Variants in DYM observed in about 807,000 individuals in gnomAD.
DYM encodes the protein dyggve-Melchior-Clausen syndrome protein.
DYM carries 78 observed loss-of-function variants against 93.1 expected under a neutral mutation model. The ratio of observed to expected loss-of-function variants is 0.84; its 90% CI spans 0.70 to 1.01. The LOEUF (loss-of-function observed/expected upper bound fraction) is 1.01. Among genes scored for constraint, DYM ranks in the 50% least tolerant of loss-of-function variants. The pLI, the probability that DYM is intolerant of heterozygous loss-of-function variation, is 0.00. For synonymous variants in DYM, 321 were observed against 319.7 expected, an observed-to-expected ratio of 1.00 and a Z score of -0.04; for missense variants, 789 against 845.0, an observed-to-expected ratio of 0.93 and a Z score of 0.82.
chr18:49,411,863 A>C (rs1856783099), intron 2 of DYM: 2 of 152,208 alleles, frequency 1.3e-5, no homozygotes, highest in South Asian at 4.1e-4. Context: ...GTAACGATTC[A>C]GGAAAGGACA....
intron 14 of DYM, among the ~76,000 whole-genome samples, chr18:49,193,605 T>C (rs2091180211): frequency 6.6e-6 from 1 of 152,228 alleles, no homozygotes; most frequent in Admixed American, 6.5e-5. Context: ...GAACAAAATG[T>C]TTAAAAATAG....
chr18:49,450,084 T>C (rs1274449877), intron 1 of DYM, among the ~76,000 whole-genome samples: 1 of 152,184 alleles, frequency 6.6e-6, no homozygotes, highest in Non-Finnish European at 1.5e-5. Flanking sequence ...TATCTTAAAT[T>C]TAATAAGACA....
chr18:49,297,598 C>A (rs12185343), intron 8 of DYM, among the ~76,000 whole-genome samples: 12,702 of 152,132 alleles, frequency 0.083, 658 homozygotes, highest in East Asian at 0.18. Context: ...CTGTATGTAT[C>A]CCTTTTTGTA....
At chr18:49,200,838 C>T (rs966422816) in intron 14 of DYM, among the ~76,000 whole-genome samples, 24 of 152,040 alleles carry the variant, frequency 1.6e-4, no homozygotes, top group African/African-American at 5.6e-4. Context: ...ATATTAATTG[C>T]TTCACATACT....
At chr18:49,449,126 T>C (rs940594490) in intron 1 of DYM, among the ~76,000 whole-genome samples, 12 of 152,152 alleles carry the variant, frequency 7.9e-5, no homozygotes, top group African/African-American at 2.9e-4. Context: ...GTCACTAGGG[T>C]TCAAGTTCCC....
intron 8 of DYM, among the ~76,000 whole-genome samples, chr18:49,316,488 T>G (rs1216807625): frequency 6.6e-6 from 1 of 152,214 alleles, no homozygotes; most frequent in East Asian, 1.9e-4. Flanking sequence ...TTTACTGCAA[T>G]GATACTTACG....
At position 49,281,963 on chromosome 18, in the gene DYM, TA is replaced by T. The variant is rs2094992299; in HGVS notation, c.1125+33del. On this transcript the variant is annotated intron_variant, in intron 10 of 17. Coordinates refer to ENST00000675505, the MANE Select transcript of DYM (RefSeq NM_001353214.3). ...AACTTAAAGTATAATTAAAAAAAAA[TA>T]CAAACGCATGGAATGTTTAGTATGA... The T allele has an allele frequency of 2.5e-6, 4 of 1,598,208 alleles. No individual in the cohort carries two copies. The African/African-American group carries it at 5.4e-5, about 22-fold the overall frequency.
At chr18:49,284,823 A>C (rs944287936) in intron 9 of DYM, among the ~76,000 whole-genome samples, 3 of 152,180 alleles carry the variant, frequency 2.0e-5, no homozygotes, top group African/African-American at 7.2e-5. Flanking sequence ...AATTGTTATT[A>C]ATTCCCTATT....
chr18:49,263,983 C>A (rs924543910), intron 11 of DYM, among the ~76,000 whole-genome samples: 9 of 152,062 alleles, frequency 5.9e-5, no homozygotes, highest in Non-Finnish European at 1.0e-4. Context: ...GTATCCATCA[C>A]CTAGATTTAT....
chr18:49,440,414 T>A (rs1239494819), intron 1 of DYM, among the ~76,000 whole-genome samples: 1 of 117,840 alleles, frequency 8.5e-6, no homozygotes, highest in African/African-American at 3.5e-5. Context: ...TTATATATGC[T>A]ATATAATATA....
At chr18:49,203,513 A>T (rs1335044025) in intron 14 of DYM, among the ~76,000 whole-genome samples, 1 of 147,464 alleles carries the variant, frequency 6.8e-6, no homozygotes, top group Non-Finnish European at 1.5e-5. Flanking sequence ...CACTAAGAAA[A>T]ATTCCTCTGC....
chr18:49,061,157 G>A (rs2075960690), intron 17 of DYM, among the ~76,000 whole-genome samples: 1 of 150,348 alleles, frequency 6.7e-6, no homozygotes, highest in South Asian at 2.2e-4. Context: ...ATAACTATCA[G>A]ACAAGATAGG....
intron 1 of DYM, among the ~76,000 whole-genome samples, chr18:49,434,413 G>T (rs1183116837): frequency 1.3e-5 from 2 of 151,952 alleles, no homozygotes; most frequent in East Asian, 3.9e-4. Flanking sequence ...CCAGCTACTT[G>T]GGAGGCTGAG....
rs988565121 is a variant in DYM at position 49,242,265 on chromosome 18, T to A, written c.1460+14745A>T. Among the ~76,000 whole-genome samples, 5 of 152,110 alleles carry A rather than the reference T, an allele frequency of 3.3e-5. No homozygotes were observed. In the South Asian group the frequency reaches 8.3e-4, roughly 25 times the overall value. ...CATCTCTACTAAAAATACAAAAAAA[T>A]TAGCTGAGCATGGTGGTGTGTGCCT... On this transcript the variant is annotated intron_variant, in intron 13 of 17. Coordinates refer to ENST00000675505, the MANE Select transcript of DYM (RefSeq NM_001353214.3).
At chr18:49,451,273 G>A (rs377460511) in intron 1 of DYM, among the ~76,000 whole-genome samples, 8 of 152,150 alleles carry the variant, frequency 5.3e-5, no homozygotes, top group African/African-American at 1.9e-4. Context: ...TTGCATCAGT[G>A]AAATAAGAAT....
At chr18:49,268,073 T>C (rs2094602039) in intron 11 of DYM, among the ~76,000 whole-genome samples, 2 of 152,120 alleles carry the variant, frequency 1.3e-5, no homozygotes, top group South Asian at 2.1e-4. Context: ...AAAAAGATAA[T>C]TTAAAAAATG....
chr18:49,183,429 C>T lies in DYM; in HGVS notation c.1626-19642G>A, dbSNP rs569485387. ...TTACTTCACTCCACATCAGTCCGCTCATCATTCCTGCACACTCCATTCTGT... is the reference window on the plus strand; with the variant it reads ...TTACTTCACTCCACATCAGTCCGCTTATCATTCCTGCACACTCCATTCTGT... On this transcript the variant is annotated intron_variant, in intron 14 of 17. Coordinates refer to ENST00000675505, the MANE Select transcript of DYM (RefSeq NM_001353214.3). Among the ~76,000 whole-genome samples, 20 of 152,210 alleles carry T rather than the reference C, an allele frequency of 1.3e-4. No homozygotes were observed. In the South Asian group the frequency reaches 4.1e-3, roughly 32 times the overall value.
chr18:49,149,490 A>T (rs1268346580), intron 15 of DYM, among the ~76,000 whole-genome samples: 1 of 152,036 alleles, frequency 6.6e-6, no homozygotes, highest in Non-Finnish European at 1.5e-5. Flanking sequence ...TTTCCCATGG[A>T]ACTTGTTATC....
chr18:49,306,900 G>T (rs1184553847), intron 8 of DYM, among the ~76,000 whole-genome samples: 1 of 152,106 alleles, frequency 6.6e-6, no homozygotes, highest in Non-Finnish European at 1.5e-5. Flanking sequence ...TGAAGAGTAT[G>T]ACGAAAATAT....
Sources: gnomAD v4.1 joint callset for allele counts (sites outside exome capture counted in the v4.1 genomes callset) on GRCh38, gnomAD v4.1.1 for gene constraint, MANE v1.5 for transcripts, NCBI Gene and HGNC (gene_info 2026-07-23, HGNC 2026-07-21) for gene names.